THADA: variants seen among roughly 807,000 people sequenced by gnomAD.
The protein encoded by THADA is THADA armadillo repeat containing.
Under a neutral mutation model 219.8 loss-of-function variants are expected in THADA, and 213 were observed. The observed-to-expected ratio is 0.97, with a 90% CI of 0.87 to 1.09. The LOEUF is 1.09. THADA is among the 50% of genes least tolerant of loss of function. THADA has a pLI of 0.00. For synonymous variants in THADA, 1,018 were observed against 828.9 expected (o/e 1.23, Z -3.92); for missense variants, 2,956 against 2,311.3 (o/e 1.28, Z -5.72).
intron 36 of THADA, among the ~76,000 whole-genome samples, chr2:43,245,870 G>A (rs1669089432): frequency 6.6e-6 from 1 of 152,044 alleles, no homozygotes; most frequent in African/African-American, 2.4e-5. Context: ...AGAAGATAAT[G>A]TTTCTCTCTT....
chr2:43,333,691 C>T (rs1284221643), intron 30 of THADA, among the ~76,000 whole-genome samples: 1 of 152,142 alleles, frequency 6.6e-6, no homozygotes, highest in Non-Finnish European at 1.5e-5. Flanking sequence ...CAAATGATAG[C>T]CTTAAAATGC....
At chr2:43,344,589 A>G (rs1667426044) in intron 29 of THADA, among the ~76,000 whole-genome samples, 1 of 152,252 alleles carries the variant, frequency 6.6e-6, no homozygotes, top group South Asian at 2.1e-4. Context: ...ACATGAAAAT[A>G]AAATGTGCCT....
chr2:43,231,142 G>A lies in THADA; in HGVS notation c.5668C>T (p.Pro1890Ser), dbSNP rs768211032. The A allele has an allele frequency of 2.5e-6, 4 of 1,613,876 alleles. No individual in the cohort carries two copies. The East Asian group carries it at 8.9e-5, about 36-fold the overall frequency. Reference sequence around the variant, plus strand: ...GTCTTCACAAACTCAGCAGCTGGTGGAAGCTCTCTGAAGAACTGAGACAGG... The same window carrying A: ...GTCTTCACAAACTCAGCAGCTGGTGAAAGCTCTCTGAAGAACTGAGACAGG... ...HLLSQFFREL[P>S]PAAEFVKTVE... The change falls in exon 38 of 38, where the codon CCA becomes TCA. Residue 1890 changes from proline to serine, a missense_variant. Pro to Ser is a moderately conservative substitution (Grantham distance 74, BLOSUM62 -1). Transcript: ENST00000405975.
intron 36 of THADA, among the ~76,000 whole-genome samples, chr2:43,258,579 A>G (rs1670582886): frequency 6.6e-6 from 1 of 152,180 alleles, no homozygotes; most frequent in Non-Finnish European, 1.5e-5. Flanking sequence ...TTTATCTGAA[A>G]TTCATTTAAC....
intron 26 of THADA, among the ~76,000 whole-genome samples, chr2:43,452,929 A>C (rs575761959): frequency 6.6e-5 from 10 of 152,106 alleles, no homozygotes; most frequent in South Asian, 2.1e-4. Flanking sequence ...ACCCACCCCC[A>C]AAAAAACATC....
chr2:43,409,255 C>T (rs1199065633), intron 28 of THADA, among the ~76,000 whole-genome samples: 1 of 152,080 alleles, frequency 6.6e-6, no homozygotes, highest in Non-Finnish European at 1.5e-5. Flanking sequence ...GAATGACCCT[C>T]CTCATGTTTC....
rs138683463 is a variant in THADA at position 43,330,832 on chromosome 2, C to T, written c.4344-10292G>A. Among the ~76,000 whole-genome samples, 448 of 152,274 alleles carry T rather than the reference C, an allele frequency of 2.9e-3. 3 individuals carry two copies. Among genetic ancestry groups the T allele is most frequent in the African/African-American group, 0.01 (432 of 41,546 alleles). The stretch of plus-strand genomic sequence containing the variant: ...AGAATTTTCCACAAGGATGATCAGG[C>T]CTCGGGAGAGGAAGAAAGCAGGTCA... On this transcript the variant is annotated intron_variant, in intron 30 of 37. Coordinates refer to ENST00000405975, the MANE Select transcript of THADA (RefSeq NM_022065.5).
chr2:43,358,568 T>C (rs1014503563), intron 29 of THADA, among the ~76,000 whole-genome samples: 10 of 152,226 alleles, frequency 6.6e-5, no homozygotes, highest in African/African-American at 2.4e-4. Flanking sequence ...TGTAAAGTTA[T>C]ATTAATTTGC....
intron 36 of THADA, among the ~76,000 whole-genome samples, chr2:43,238,347 A>C (rs1369398481): frequency 6.6e-6 from 1 of 152,126 alleles, no homozygotes; most frequent in East Asian, 1.9e-4. Context: ...AAGAACTCTT[A>C]ATACTCTTAA....
At chr2:43,432,528 C>G (rs149811997) in intron 26 of THADA, among the ~76,000 whole-genome samples, 1 of 150,830 alleles carries the variant, frequency 6.6e-6, no homozygotes, top group African/African-American at 2.4e-5. Flanking sequence ...TTTAAGGACA[C>G]GTTTTCATTT....
chr2:43,571,047 G>A (rs1699233871), intron 13 of THADA, among the ~76,000 whole-genome samples: 1 of 152,146 alleles, frequency 6.6e-6, no homozygotes, highest in Non-Finnish European at 1.5e-5. Flanking sequence ...CTAGAGTCCA[G>A]GAGTTTAAGA....
intron 29 of THADA, among the ~76,000 whole-genome samples, chr2:43,387,983 T>C (rs1316407364): frequency 6.6e-6 from 1 of 152,244 alleles, no homozygotes; most frequent in African/African-American, 2.4e-5. Flanking sequence ...CCAAATTGGC[T>C]ATACTCAACC....
At chr2:43,321,872 G>A (rs1056026218) in intron 30 of THADA, among the ~76,000 whole-genome samples, 2 of 152,118 alleles carry the variant, frequency 1.3e-5, no homozygotes, top group African/African-American at 2.4e-5. Context: ...ATTGATATTG[G>A]CACAAGTGTT....
chr2:43,459,501 C>G (rs1683386409), intron 26 of THADA, among the ~76,000 whole-genome samples: 2 of 152,066 alleles, frequency 1.3e-5, no homozygotes, highest in South Asian at 4.1e-4. Context: ...AAATACCCAC[C>G]CTCCAAAGAG....
At position 43,467,181 on chromosome 2, in the gene THADA, C is replaced by CAAAAA. The variant is rs70963399; in HGVS notation, c.3836+18048_3836+18052dup. Among the ~76,000 whole-genome samples the CAAAAA allele has an allele frequency of 1.7e-4, 10 of 58,368 alleles. 1 individual carries two copies. Among genetic ancestry groups the CAAAAA allele is most frequent in the South Asian group, 9.0e-4 (1 of 1,106 alleles). The allele number at this position is 58,368 out of a possible 152,430, so 38.3% of individuals were successfully genotyped here. ...TGGGCGACAGAGCGAGACTCCGTCTCAAAAAAAAAAAAAAAAAAAAAAAAA... is the reference window on the plus strand; with the variant it reads ...TGGGCGACAGAGCGAGACTCCGTCTCAAAAAAAAAAAAAAAAAAAAAAAAAAAAAA... On this transcript the variant is annotated intron_variant, in intron 26 of 37. Coordinates refer to ENST00000405975, the MANE Select transcript of THADA (RefSeq NM_022065.5).
At chr2:43,368,021 G>T (rs1670364833) in intron 29 of THADA, among the ~76,000 whole-genome samples, 1 of 152,122 alleles carries the variant, frequency 6.6e-6, no homozygotes, top group Non-Finnish European at 1.5e-5. Context: ...GGGAGGCTGA[G>T]GCAGGAGAAT....
Position 43,254,238 on chromosome 2 carries a change from G to C in THADA, c.5297-21356C>G, listed in dbSNP as rs1254251750. Among the ~76,000 whole-genome samples, 5 of 152,208 alleles carry C rather than the reference G, an allele frequency of 3.3e-5. No homozygotes were observed. The East Asian group carries it at 9.7e-4, about 30-fold the overall frequency. On this transcript the variant is annotated intron_variant, in intron 36 of 37. Transcript: ENST00000405975. ...GACTTGAATAAATGAAGATGTAAAG[G>C]CTAGAGCTGCTGTAGCCATCTTAAA... is the stretch of plus-strand genomic sequence containing the variant.
At chr2:43,549,453 A>G (rs1696491785) in intron 19 of THADA, 85 bp from the exon 20 acceptor site, 5 of 1,294,610 alleles carry the variant, frequency 3.9e-6, no homozygotes, top group Admixed American at 6.1e-5. Context: ...CAAAAAATCT[A>G]TAATTTTCAA....
In THADA at chr2:43,232,748, C is replaced by G. The variant is rs1309354603; in HGVS notation, c.5431G>C (p.Asp1811His). ...ILLGWLLGES[D>H]DLVACVESMH... is the part of the protein sequence containing the mutation. ...CTCTCCACACAGGCCACGAGGTCAT[C>G]ACTCTCTCCCAACAGCCATCCCAGC... is the stretch of plus-strand genomic sequence containing the variant. The change falls in exon 37 of 38, where the codon GAT becomes CAT. Residue 1811 changes from aspartate (D) to histidine (H), a missense_variant. Coordinates refer to ENST00000405975, the MANE Select transcript of THADA (RefSeq NM_022065.5). 3 of 1,613,820 alleles carry G rather than the reference C, an allele frequency of 1.9e-6. No individual in the cohort carries two copies. The African/African-American group carries it at 4.0e-5, about 22-fold the overall frequency.
Sources: gnomAD v4.1 joint callset for allele counts (sites outside exome capture counted in the v4.1 genomes callset) on GRCh38, gnomAD v4.1.1 for gene constraint, MANE v1.5 for transcripts, NCBI Gene and HGNC (gene_info 2026-07-23, HGNC 2026-07-21) for gene names.